ATR: variants seen among roughly 807,000 people sequenced by gnomAD.
ATR encodes the protein serine/threonine-protein kinase ATR.
A neutral mutation model predicts 305.3 loss-of-function variants in ATR; 142 were observed. The ratio of observed to expected loss-of-function variants is 0.47; its 90% CI spans 0.41 to 0.53. ATR has a LOEUF of 0.53. ATR is among the 20% of genes least tolerant of loss of function. ATR has a pLI of 0.00. For synonymous variants in ATR, 1,050 were observed against 1,068.1 expected, an observed-to-expected ratio of 0.98 and a Z score of 0.33; for missense variants, 2,135 against 3,133.1, an observed-to-expected ratio of 0.68 and a Z score of 7.60.
chr3:142,537,598 TATG>T (rs2033904073), intron 19 of ATR, among the ~76,000 whole-genome samples: 1 of 152,202 alleles, frequency 6.6e-6, no homozygotes, highest in Admixed American at 6.5e-5. Flanking sequence ...TTCCTTCTTC[TATG>T]ATTTCTCCCT....
In ATR at chr3:142,562,658, T is replaced by G. The variant is rs368117837; in HGVS notation, c.744A>C (p.Ala248=). 1.4e-5 allele frequency: 22 copies of G among 1,614,068 alleles called. No homozygotes were observed. Among genetic ancestry groups the G allele is most frequent in the East Asian group, 6.7e-5 (3 of 44,874 alleles). Residue 248 remains alanine (A), a synonymous_variant, in exon 4 of 47, where the codon GCA becomes GCC. Transcript: ENST00000350721. The stretch of plus-strand genomic sequence containing the variant: ...GAAAAAGTTCTGTTAAAAAGCTAAT[T>G]GCTAGGGATTTAATTTTTGGACTAC... ...EYGSPKIKSL[A]ISFLTELFQL...
chr3:142,458,894 A>T (rs2070965050), intron 44 of ATR, 64 bp downstream of exon 44: 1 of 1,547,612 alleles, frequency 6.5e-7, no homozygotes, highest in Non-Finnish European at 8.9e-7. Flanking sequence ...CAAGGAAGAT[A>T]CAGTTGTTGA....
At chr3:142,553,519 T>C (rs2034554893) in intron 12 of ATR, 121 bp from the exon 13 acceptor site, 2 of 1,448,218 alleles carry the variant, frequency 1.4e-6, no homozygotes, top group African/African-American at 2.8e-5. Context: ...AATAAATTCA[T>C]GTTGACTCAC....
intron 36 of ATR, among the ~76,000 whole-genome samples, chr3:142,484,280 T>C (rs1159914830): frequency 6.6e-6 from 1 of 152,210 alleles, no homozygotes; most frequent in Non-Finnish European, 1.5e-5. Flanking sequence ...TTGCTGGGTT[T>C]ACATTATGAG....
Position 142,462,475 on chromosome 3 carries a change from T to TC in ATR, c.7042-386_7042-385insG, listed in dbSNP as rs1480791534. On this transcript the variant is annotated intron_variant, in intron 41 of 46. Coordinates refer to ENST00000350721, the MANE Select transcript of ATR (RefSeq NM_001184.4). Reference sequence around the variant, plus strand: ...CACAGAGACTGCTATTTAATTTTTCTTTTTTTTTTTTGAGATGGAGTCTTG... The same window carrying TC: ...CACAGAGACTGCTATTTAATTTTTCTCTTTTTTTTTTTGAGATGGAGTCTTG... Among the ~76,000 whole-genome samples, 16 of 106,582 alleles carry TC rather than the reference T, an allele frequency of 1.5e-4. No individual in the cohort carries two copies. The South Asian group carries it at 4.6e-3, about 31-fold the overall frequency. The allele number at this position is 106,582 out of a possible 152,430, so 69.9% of individuals were successfully genotyped here. A position where few individuals can be genotyped will look rare whatever the true frequency, so the allele number is the denominator to read the frequency against.
chr3:142,499,646 C>T lies in ATR; in HGVS notation c.5361G>A (p.Val1787=), dbSNP rs768584733. ...TTTTACCTGCTGCCAAATAGTTTTC[C>T]ACCAAATCCCACTGTGACAATTTCC... ...AAWKLSQWDL[V]ENYLAADGKS... Residue 1787 remains valine (V), a synonymous_variant, in exon 31 of 47, where the codon GTG becomes GTA. Coordinates refer to ENST00000350721, the MANE Select transcript of ATR (RefSeq NM_001184.4). 3 of 1,614,002 alleles carry T rather than the reference C, an allele frequency of 1.9e-6. No homozygotes were observed. In the South Asian group the frequency reaches 3.3e-5, roughly 18 times the overall value.
chr3:142,575,254 G>A (rs1003097850), intron 1 of ATR, among the ~76,000 whole-genome samples: 1 of 151,976 alleles, frequency 6.6e-6, no homozygotes, highest in African/African-American at 2.4e-5. Flanking sequence ...TGGTGGCTGA[G>A]GTGGGTGCAT....
At chr3:142,511,777 T>C (rs965695258) in intron 27 of ATR, among the ~76,000 whole-genome samples, 2 of 152,320 alleles carry the variant, frequency 1.3e-5, no homozygotes, top group African/African-American at 4.8e-5. Context: ...ATAAATTCAC[T>C]GTTTTTTCTC....
intron 25 of ATR, 21 bp from the exon 26 acceptor site, chr3:142,513,659 G>A (rs369747249): frequency 1.4e-5 from 22 of 1,611,266 alleles, no homozygotes; most frequent in East Asian, 6.7e-5. Flanking sequence ...AAAATGTGTA[G>A]ACAGTAACAC....
chr3:142,499,269 T>A, intron 31 of ATR: 1 of 306,306 alleles, frequency 3.3e-6, no homozygotes, highest in Non-Finnish European at 6.4e-6. Context: ...TACTTAAGTC[T>A]GAATATTTAT....
In ATR at chr3:142,513,613, A is replaced by G. The variant is rs765316638; in HGVS notation, c.4529T>C (p.Ile1510Thr). 1 of 1,613,740 alleles carries G rather than the reference A, an allele frequency of 6.2e-7. No individual in the cohort carries two copies. The highest frequency in any genetic ancestry group is 8.5e-7 in the Non-Finnish European group (1 of 1,179,796). The stretch of plus-strand genomic sequence containing the variant: ...CATCATAATGCTACAGCAGGTGAAA[A>G]TTTTACTGGCAAGATCATGTCGAAC... ...TKVRHDLASK[I>T]FTCCSIMMKH... is the part of the protein sequence containing the mutation. Residue 1510 changes from isoleucine to threonine, a missense_variant, in exon 26 of 47, where the codon ATT becomes ACT. Physicochemically the swap from Ile to Thr is moderately conservative, Grantham distance 89. Around this residue, in one of 9 missense-constraint regions of ATR, gnomAD observed 202 missense variants for 252.9 expected, o/e 0.80. Coordinates refer to ENST00000350721, the MANE Select transcript of ATR (RefSeq NM_001184.4).
chr3:142,531,501 C>A (rs887279137), intron 21 of ATR, among the ~76,000 whole-genome samples: 5 of 151,852 alleles, frequency 3.3e-5, no homozygotes, highest in Admixed American at 6.6e-5. Flanking sequence ...TGAGAACATG[C>A]GGTGTTTCGT....
chr3:142,451,622 C>T, intron 46 of ATR: 1 of 1,262,618 alleles, frequency 7.9e-7, no homozygotes, highest in Admixed American at 2.8e-5. Context: ...CTCTGTTGCC[C>T]AGGCTGGAGT....
At position 142,461,812 on chromosome 3, in the gene ATR, T is replaced by C. The variant is rs529792500; in HGVS notation, c.7192+128A>G. 412 of 996,276 alleles carry C rather than the reference T, an allele frequency of 4.1e-4. 7 individuals are homozygous for C. The South Asian group carries it at 6.1e-3, about 15-fold the overall frequency. The allele number at this position is 996,276 out of a possible 1,614,324, so 61.7% of individuals were successfully genotyped here. The stretch of plus-strand genomic sequence containing the variant: ...ATGGAAACACTTAAGTGTTTCTGTA[T>C]ATAAAATCTAGAAATTTCACTATAG... On this transcript the variant is annotated intron_variant, in intron 42 of 46. Transcript: ENST00000350721.
rs200753177 is a variant in ATR, at chr3:142,578,691, C to G, written c.14G>C (p.Gly5Ala). ...GGGGATCATGGAAGCCAGCTCCAGG[C>G]CATGTTCCCCCATGCTGAGGCTGCG... The part of the protein sequence containing the change: MGEH[G>A]LELASMIPAL... Residue 5 changes from glycine (G) to alanine (A), a missense_variant, in exon 1 of 47, where the codon GGC (glycine) becomes GCC (alanine). Gly to Ala is a moderately conservative substitution (Grantham distance 60, BLOSUM62 0). This residue lies in a region of ATR where 744 missense variants were observed against 873.2 expected (regional missense o/e 0.85). Transcript: ENST00000350721. 6.2e-7 allele frequency: 1 copy of G among 1,613,310 alleles called. No individual in the cohort carries two copies. The highest frequency in any genetic ancestry group is 1.1e-5 in the South Asian group (1 of 90,684).
chr3:142,576,654 T>C (rs1250602950), intron 1 of ATR, among the ~76,000 whole-genome samples: 1 of 152,224 alleles, frequency 6.6e-6, no homozygotes, highest in Non-Finnish European at 1.5e-5. Flanking sequence ...TTGGATATTC[T>C]GAACCTTAAC....
chr3:142,491,635 AG>A (rs2031284805), intron 35 of ATR, among the ~76,000 whole-genome samples: 1 of 152,186 alleles, frequency 6.6e-6, no homozygotes, highest in Non-Finnish European at 1.5e-5. Flanking sequence ...ACTGCCCTTT[AG>A]GATAATATAG....
intron 36 of ATR, among the ~76,000 whole-genome samples, chr3:142,478,815 G>A (rs1315669306): frequency 6.6e-6 from 1 of 152,106 alleles, no homozygotes; most frequent in African/African-American, 2.4e-5. Flanking sequence ...AGCTCTTCTT[G>A]TTGAATTGAT....
chr3:142,473,693 A>C (rs2071356444), intron 36 of ATR, among the ~76,000 whole-genome samples: 1 of 151,616 alleles, frequency 6.6e-6, no homozygotes, highest in Non-Finnish European at 1.5e-5. Context: ...TTACAGGTGC[A>C]TGCCACCATG....
Sources: gnomAD v4.1 joint callset for allele counts (sites outside exome capture counted in the v4.1 genomes callset) on GRCh38, gnomAD v4.1.1 for gene constraint, gnomAD v4.1.1 regional missense constraint, MANE v1.5 for transcripts, NCBI Gene and HGNC (gene_info 2026-07-23, HGNC 2026-07-21) for gene names.